The following SVEP1 variants were observed in gnomAD, a reference collection of about 807,000 sequenced individuals.
SVEP1 encodes the protein sushi, von Willebrand factor type A, EGF and pentraxin domain containing 1, also known as sushi, von Willebrand factor type A, EGF and pentraxin domain-containing protein 1.
A neutral mutation model predicts 367.3 loss-of-function variants in SVEP1; 164 were observed. That is an observed-to-expected ratio of 0.45 (90% CI 0.39 to 0.51). The LOEUF (loss-of-function observed/expected upper bound fraction) is 0.51, where lower values mean the gene tolerates loss of function less well. Ranked by LOEUF, SVEP1 falls within the 20% of genes least tolerant of loss-of-function variation. The probability of loss-of-function intolerance (pLI) is 0.00; values close to 1 mark genes in which losing one functional copy is unlikely to be tolerated. For synonymous variants in SVEP1, 1,666 were observed against 1,611.6 expected (o/e 1.03, Z -0.81); for missense variants, 4,117 against 4,425.3 (o/e 0.93, Z 1.98).
intron 33 of SVEP1, 84 bp downstream of exon 33, chr9:110,430,189 GA>G: frequency 4.3e-6 from 6 of 1,394,652 alleles, no homozygotes; most frequent in Non-Finnish European, 5.8e-6. Context: ...AAAGAACATT[GA>G]TACAACATAA....
Position 110,479,774 on chromosome 9 carries a change from A to T in SVEP1, c.2366-18T>A. Reference sequence around the variant, plus strand: ...ACGTTTTTCTAGAAAATGTTGGACAAAACAGCTTCAGTTGGTTAGTGTTTT... The same window carrying T: ...ACGTTTTTCTAGAAAATGTTGGACATAACAGCTTCAGTTGGTTAGTGTTTT... On this transcript the variant is annotated intron_variant, in intron 12 of 47. Coordinates refer to ENST00000374469, the MANE Select transcript of SVEP1 (RefSeq NM_153366.4). The T allele has an allele frequency of 6.3e-7, 1 of 1,590,624 alleles. No homozygotes were observed. Among genetic ancestry groups the T allele is most frequent in the Non-Finnish European group, 8.5e-7 (1 of 1,173,102 alleles).
At chr9:110,409,185 C>T (rs1298469160) in intron 37 of SVEP1, among the ~76,000 whole-genome samples, 2 of 152,230 alleles carry the variant, frequency 1.3e-5, no homozygotes, top group African/African-American at 4.8e-5. Context: ...CCTACAATCC[C>T]AGCACTTTGG....
intron 1 of SVEP1, among the ~76,000 whole-genome samples, chr9:110,569,084 C>A (rs1830524626): frequency 1.3e-5 from 2 of 150,336 alleles, no homozygotes; most frequent in African/African-American, 2.5e-5. Context: ...CAGAGTGAGA[C>A]CCTGTCTCAA....
intron 40 of SVEP1, among the ~76,000 whole-genome samples, chr9:110,394,349 T>G (rs559997022): frequency 2.3e-4 from 35 of 152,278 alleles, no homozygotes; most frequent in Non-Finnish European, 3.7e-4. Context: ...AAAACCCATC[T>G]GTACGTCACC....
At chr9:110,426,619 A>C (rs887107621) in intron 36 of SVEP1, among the ~76,000 whole-genome samples, 1 of 152,180 alleles carries the variant, frequency 6.6e-6, no homozygotes, top group Non-Finnish European at 1.5e-5. Context: ...TATTGATGAA[A>C]ATATTTATTG....
At chr9:110,470,598 A>G (rs1443804022) in intron 16 of SVEP1, among the ~76,000 whole-genome samples, 1 of 151,240 alleles carries the variant, frequency 6.6e-6, no homozygotes, top group Admixed American at 6.6e-5. Context: ...ATGCTTGGCT[A>G]ATTTTTGGGG....
chr9:110,555,062 C>A (rs1194689305), intron 1 of SVEP1, among the ~76,000 whole-genome samples: 1 of 152,176 alleles, frequency 6.6e-6, no homozygotes, highest in African/African-American at 2.4e-5. Context: ...TGCTTTCTGT[C>A]TGAGTTGTTC....
intron 43 of SVEP1, among the ~76,000 whole-genome samples, chr9:110,382,026 T>C (rs933252601): frequency 2.0e-5 from 3 of 152,134 alleles, no homozygotes; most frequent in Non-Finnish European, 4.4e-5. Context: ...TTCCTGCTTT[T>C]CATTTGCTTG....
At chr9:110,503,280 A>C in intron 5 of SVEP1, 63 bp from the exon 6 acceptor site, 1 of 1,512,642 alleles carries the variant, frequency 6.6e-7, no homozygotes, top group Non-Finnish European at 9.0e-7. Flanking sequence ...AATAATTACA[A>C]GTTTAGCAAT....
intron 40 of SVEP1, among the ~76,000 whole-genome samples, chr9:110,397,787 G>T (rs1246629029): frequency 6.6e-6 from 1 of 152,110 alleles, no homozygotes. Flanking sequence ...ACTTACAAGG[G>T]ATGTGAAGGG....
intron 36 of SVEP1, among the ~76,000 whole-genome samples, chr9:110,423,168 T>TAAAAAAAAAAAAAAAAAAAAAAAAAAGA: frequency 1.6e-4 from 17 of 103,616 alleles, no homozygotes; most frequent in Non-Finnish European, 2.8e-4. Context: ...AAAAATAAAG[T>TAAAAAAAAAAAAAAAAAAAAAAAAAAGA]AAAAAAAAAA....
At chr9:110,456,769 C>T (rs1295747893) in intron 21 of SVEP1, among the ~76,000 whole-genome samples, 2 of 152,170 alleles carry the variant, frequency 1.3e-5, no homozygotes, top group African/African-American at 2.4e-5. Flanking sequence ...ATAATTCATA[C>T]GTAATTCCTA....
rs149724797 is a variant in SVEP1 at position 110,463,111 on chromosome 9, T to G, written c.3322+2754A>C. 1.8e-4 allele frequency among the ~76,000 whole-genome samples: 27 copies of G among 152,146 alleles called. No homozygotes were observed. The East Asian group carries it at 5.2e-3, about 29-fold the overall frequency. On this transcript the variant is annotated intron_variant, in intron 18 of 47. Coordinates refer to ENST00000374469, the MANE Select transcript of SVEP1 (RefSeq NM_153366.4). Reference sequence around the variant, plus strand: ...TAAGATGAGGTCAGAGGTCAATGACTTCCTGAGCCTCCTTTTAACTTCATC... The same window carrying G: ...TAAGATGAGGTCAGAGGTCAATGACGTCCTGAGCCTCCTTTTAACTTCATC...
rs554629669 is a variant in SVEP1, at chr9:110,406,667, C to T, written c.8933G>A (p.Gly2978Asp). ...GGHIQYQCFP[G>D]YKLHGNSSRR... ...TGATGAATTTCCATGGAGCTTATAA[C>T]CAGGAAAGCACTGATACTGTATATG... Residue 2978 changes from glycine (G) to aspartate (D), a missense_variant, in exon 38 of 48, where the codon GGT becomes GAT. Around this residue, in one of 4 missense-constraint regions of SVEP1, gnomAD observed 1,765 missense variants for 1,781.1 expected, o/e 0.99. Transcript: ENST00000374469. 6.2e-7 allele frequency: 1 copy of T among 1,613,932 alleles called. No homozygotes were observed. The highest frequency in any genetic ancestry group is 2.2e-5 in the East Asian group (1 of 44,870).
intron 23 of SVEP1, among the ~76,000 whole-genome samples, chr9:110,450,708 C>A (rs913604104): frequency 2.0e-5 from 3 of 151,882 alleles, no homozygotes; most frequent in Non-Finnish European, 4.4e-5. Context: ...ATCCTGAGCT[C>A]AAGTAATCCA....
intron 26 of SVEP1, among the ~76,000 whole-genome samples, chr9:110,444,281 T>C (rs903742276): frequency 6.6e-6 from 1 of 152,180 alleles, no homozygotes; most frequent in South Asian, 2.1e-4. Flanking sequence ...GATTAGGTCA[T>C]GAAGGCTCTG....
At chr9:110,524,848 A>C (rs550810835) in intron 3 of SVEP1, among the ~76,000 whole-genome samples, 1 of 151,992 alleles carries the variant, frequency 6.6e-6, no homozygotes, top group East Asian at 1.9e-4. Context: ...TGTAGCTGGG[A>C]CTACCTGTGT....
At chr9:110,372,409 G>A (rs374640196) in intron 46 of SVEP1, among the ~76,000 whole-genome samples, 2 of 152,178 alleles carry the variant, frequency 1.3e-5, no homozygotes, top group Non-Finnish European at 2.9e-5. Flanking sequence ...TTAGTACTTA[G>A]GGGTGTAACT....
intron 3 of SVEP1, among the ~76,000 whole-genome samples, chr9:110,532,678 C>T (rs1405611879): frequency 6.6e-6 from 1 of 152,126 alleles, no homozygotes; most frequent in African/African-American, 2.4e-5. Context: ...CTAATCCAAT[C>T]TGTTAATATG....
Sources: gnomAD v4.1 joint callset for allele counts (sites outside exome capture counted in the v4.1 genomes callset) on GRCh38, gnomAD v4.1.1 for gene constraint, gnomAD v4.1.1 regional missense constraint, MANE v1.5 for transcripts, NCBI Gene and HGNC (gene_info 2026-07-23, HGNC 2026-07-21) for gene names.